The following AARS1 variants were observed in gnomAD, a reference collection of about 807,000 sequenced individuals.
The protein encoded by AARS1 is alanine--tRNA ligase, cytoplasmic.
AARS1 carries 72 observed loss-of-function variants against 108.9 expected under a neutral mutation model. The ratio of observed to expected loss-of-function variants is 0.66; its 90% CI spans 0.55 to 0.80. The LOEUF is 0.80. Among genes scored for constraint, AARS1 ranks in the 30% least tolerant of loss-of-function variants. The probability of loss-of-function intolerance (pLI) is 0.00; values close to 1 mark genes in which losing one functional copy is unlikely to be tolerated. For synonymous variants in AARS1, 489 were observed against 465.7 expected (o/e 1.05, Z -0.64); for missense variants, 1,193 against 1,233.2 (o/e 0.97, Z 0.49).
intron 4 of AARS1, among the ~76,000 whole-genome samples, chr16:70,274,475 C>T (rs142230632): frequency 0.014 from 2,057 of 151,480 alleles, 53 homozygotes; most frequent in African/African-American, 0.047. Context: ...CCTGTAATCC[C>T]AGCACTTTGG....
At position 70,278,969 on chromosome 16, in the gene AARS1, G is replaced by A. The variant is rs542585448; in HGVS notation, c.145-1815C>T. Among the ~76,000 whole-genome samples, 37 of 152,288 alleles carry A rather than the reference G, an allele frequency of 2.4e-4. 1 individual carries two copies. Among genetic ancestry groups the A allele is most frequent in the South Asian group, 2.1e-3 (10 of 4,828 alleles). ...AGTAGGGATGGCAACAGAGTTCGGC[G>A]TAAATGAGTTATTGTACGCGAAGGA... On this transcript the variant is annotated intron_variant, in intron 2 of 20. Transcript: ENST00000261772.
Position 70,282,651 on chromosome 16 carries a change from G to A in AARS1, c.113C>T (p.Thr38Ile), listed in dbSNP as rs761574997. 1.2e-6 allele frequency: 2 copies of A among 1,614,228 alleles called. No individual in the cohort carries two copies. The highest frequency in any genetic ancestry group is 1.7e-6 in the Non-Finnish European group (2 of 1,180,042). The change falls in exon 2 of 21, where the codon ACT becomes ATT. Residue 38 changes from threonine to isoleucine, a missense_variant. Transcript: ENST00000261772. The part of the protein sequence containing the change: ...SSATIPLDDP[T>I]LLFANAGMNQ... ...CATGCCTGCATTGGCAAAGAGCAAA[G>A]TGGGGTCATCCAATGGGATGGTGGC... is the stretch of plus-strand genomic sequence containing the variant.
At chr16:70,267,566 C>T in intron 9 of AARS1, 93 bp downstream of exon 9, 1 of 1,486,344 alleles carries the variant, frequency 6.7e-7, no homozygotes, top group Non-Finnish European at 9.3e-7. Flanking sequence ...GCCTCAGAGA[C>T]ATGAGAGCCC....
intron 13 of AARS1, 53 bp from the exon 14 acceptor site, chr16:70,259,239 C>G: frequency 6.4e-7 from 1 of 1,551,802 alleles, no homozygotes; most frequent in Non-Finnish European, 8.9e-7. Flanking sequence ...TGCTAGTTAT[C>G]TCCTCGTTAT....
intron 1 of AARS1, among the ~76,000 whole-genome samples, chr16:70,286,291 CACTT>C (rs1960836569): frequency 6.6e-6 from 1 of 151,852 alleles, no homozygotes; most frequent in South Asian, 2.1e-4. Context: ...CCTCAGGTTT[CACTT>C]ACTAACAGGA....
intron 5 of AARS1, 145 bp from the exon 6 acceptor site, chr16:70,270,485 G>C: frequency 1.0e-6 from 1 of 965,738 alleles, no homozygotes. Flanking sequence ...GAGGGAAGTG[G>C]AGGGAGAAAG....
At chr16:70,279,350 CAAAAAAA>C (rs57438636) in intron 2 of AARS1, among the ~76,000 whole-genome samples, 11 of 37,808 alleles carry the variant, frequency 2.9e-4, no homozygotes, top group Non-Finnish European at 4.0e-4. Flanking sequence ...AACTTCATCT[CAAAAAAA>C]AAAAAAAAAA....
intron 2 of AARS1, among the ~76,000 whole-genome samples, chr16:70,279,307 C>T (rs548647232): frequency 2.3e-5 from 3 of 127,880 alleles, no homozygotes; most frequent in South Asian, 2.7e-4. Context: ...GCTGAGATTG[C>T]GTCACTGAAT....
chr16:70,268,488 T>G, intron 7 of AARS1, 109 bp from the exon 8 acceptor site: 1 of 857,934 alleles, frequency 1.2e-6, no homozygotes, highest in Admixed American at 2.2e-5. Context: ...TCTTTTATCC[T>G]AAGCCTGCTT....
At chr16:70,255,895 G>A (rs1304271333) in intron 15 of AARS1, 59 bp from the exon 16 acceptor site, 3 of 1,488,418 alleles carry the variant, frequency 2.0e-6, no homozygotes, top group African/African-American at 2.8e-5. Flanking sequence ...TTGGCTGGGG[G>A]GTCACACTAG....
At position 70,273,842 on chromosome 16, in the gene AARS1, G is replaced by A. The variant is rs1326747721; in HGVS notation, c.480-1870C>T. ...CGCGCCACTGCACTCCAGCATGGGC[G>A]ACAGAGCGGGACTCCGTCTCCAAAA... is the stretch of plus-strand genomic sequence containing the variant. On this transcript the variant is annotated intron_variant, in intron 4 of 20. Transcript: ENST00000261772. Among the ~76,000 whole-genome samples the A allele has an allele frequency of 3.2e-4, 38 of 117,796 alleles. 1 individual carries two copies. Among genetic ancestry groups the A allele is most frequent in the African/African-American group, 5.8e-4 (17 of 29,138 alleles). The allele number at this position is 117,796 out of a possible 152,430, so 77.3% of individuals were successfully genotyped here.
chr16:70,254,062 C>T, intron 17 of AARS1, 24 bp from the exon 18 acceptor site: 1 of 1,613,164 alleles, frequency 6.2e-7, no homozygotes, highest in African/African-American at 1.3e-5. Context: ...ACGACCATCT[C>T]AATCTGGGCC....
At chr16:70,287,759 A>G (rs951729256) in intron 1 of AARS1, among the ~76,000 whole-genome samples, 6 of 152,070 alleles carry the variant, frequency 3.9e-5, no homozygotes, top group Non-Finnish European at 7.4e-5. Context: ...CAACAAACGT[A>G]AAGACACTTT....
Position 70,259,049 on chromosome 16 carries a change from C to T in AARS1, c.1923G>A (p.Lys641=). The T allele has an allele frequency of 6.2e-7, 1 of 1,614,170 alleles. No individual in the cohort carries two copies. Among genetic ancestry groups the T allele is most frequent in the Non-Finnish European group, 8.5e-7 (1 of 1,180,034 alleles). The change falls in exon 14 of 21, where the codon AAG becomes AAA. Residue 641 remains lysine, a synonymous_variant. Transcript: ENST00000261772. Reference sequence around the variant, plus strand: ...TGATCTGTTGGGTGGACATGGCTCCCTTGGCAGTAAAGTCAAATCTGAGGC... The same window carrying T: ...TGATCTGTTGGGTGGACATGGCTCCTTTGGCAGTAAAGTCAAATCTGAGGC... ...PDRLRFDFTA[K]GAMSTQQIKK...
chr16:70,257,258 A>C (rs1224177388), intron 15 of AARS1, among the ~76,000 whole-genome samples: 1 of 151,166 alleles, frequency 6.6e-6, no homozygotes. Flanking sequence ...AAAAAAAAAG[A>C]ATGTTCTCTT....
chr16:70,281,625 CACTGCACTCCAGTCTGGACG>C (rs1244080247), intron 2 of AARS1, among the ~76,000 whole-genome samples: 1 of 152,164 alleles, frequency 6.6e-6, no homozygotes, highest in Non-Finnish European at 1.5e-5. Flanking sequence ...AAGATCGTGC[CACTGCACTCCAGTCTGGACG>C]ACAGCGAGAC....
chr16:70,278,939 G>A (rs1960622026), intron 2 of AARS1, among the ~76,000 whole-genome samples: 1 of 152,214 alleles, frequency 6.6e-6, no homozygotes, highest in African/African-American at 2.4e-5. Context: ...AGATCTCAGT[G>A]CCTCAGTAGG....
chr16:70,278,642 C>A (rs1055842909), intron 2 of AARS1, among the ~76,000 whole-genome samples: 1 of 151,846 alleles, frequency 6.6e-6, no homozygotes, highest in Non-Finnish European at 1.5e-5. Flanking sequence ...AATAATCACA[C>A]GACTGACGGC....
chr16:70,281,416 A>T (rs1348386510), intron 2 of AARS1, among the ~76,000 whole-genome samples: 4 of 152,184 alleles, frequency 2.6e-5, no homozygotes, highest in African/African-American at 9.6e-5. Context: ...CTATAATCCC[A>T]GCACTTTGGG....
Sources: gnomAD v4.1 joint callset for allele counts (sites outside exome capture counted in the v4.1 genomes callset) on GRCh38, gnomAD v4.1.1 for gene constraint, MANE v1.5 for transcripts, NCBI Gene and HGNC (gene_info 2026-07-23, HGNC 2026-07-21) for gene names.